RBFOX1: variants seen among roughly 807,000 people sequenced by gnomAD.
RBFOX1 encodes the protein RNA binding protein fox-1 homolog 1.
Under a neutral mutation model 57.7 loss-of-function variants are expected in RBFOX1, and 8 were observed. The observed-to-expected ratio is 0.14, with a 90% CI of 0.08 to 0.25. RBFOX1 has a LOEUF of 0.25. RBFOX1 is among the 10% of genes least tolerant of loss of function. RBFOX1 has a pLI of 1.00. For missense variants in RBFOX1, 611 were observed against 548.5 expected, an observed-to-expected ratio of 1.11 and a Z score of -1.14; for synonymous variants, 326 against 222.4, an observed-to-expected ratio of 1.47 and a Z score of -4.15.
intron 1 of RBFOX1, among the ~76,000 whole-genome samples, chr16:5,262,446 C>T (rs1485719214): frequency 6.6e-6 from 1 of 152,192 alleles, no homozygotes; most frequent in African/African-American, 2.4e-5. Context: ...GCTCTCTTTA[C>T]CTGATTATAT....
intron 3 of RBFOX1, among the ~76,000 whole-genome samples, chr16:5,782,893 A>G (rs10852664): frequency 0.35 from 53,382 of 152,000 alleles, 10,090 homozygotes; most frequent in East Asian, 0.55. Context: ...AAGGAAGAAG[A>G]GGGTGAATTC....
intron 3 of RBFOX1, among the ~76,000 whole-genome samples, chr16:5,654,651 A>C (rs969283074): frequency 3.3e-5 from 5 of 152,006 alleles, no homozygotes; most frequent in Admixed American, 1.3e-4. Flanking sequence ...TTCGCATCTC[A>C]TTCACAACCT....
intron 14 of RBFOX1, among the ~76,000 whole-genome samples, chr16:7,694,456 G>T (rs2078164868): frequency 6.6e-6 from 1 of 152,212 alleles, no homozygotes; most frequent in Admixed American, 6.5e-5. Flanking sequence ...GGCAGGGTCA[G>T]TTTTATTTAT....
At chr16:6,064,542 TTA>T (rs2095733699) in intron 1 of RBFOX1, among the ~76,000 whole-genome samples, 1 of 152,126 alleles carries the variant, frequency 6.6e-6, no homozygotes, top group Admixed American at 6.5e-5. Flanking sequence ...TTTCTTTTTT[TTA>T]TTATTATTAT....
chr16:7,246,180 A>G (rs1265470867), intron 4 of RBFOX1, among the ~76,000 whole-genome samples: 3 of 152,230 alleles, frequency 2.0e-5, no homozygotes, highest in Non-Finnish European at 4.4e-5. Context: ...AGACTAATTT[A>G]GAATTAGGGA....
At chr16:7,298,631 A>G (rs888308176) in intron 4 of RBFOX1, among the ~76,000 whole-genome samples, 1 of 152,228 alleles carries the variant, frequency 6.6e-6, no homozygotes, top group African/African-American at 2.4e-5. Context: ...CAAAACTATG[A>G]TTAGCCCACT....
At chr16:6,223,317 A>G (rs1324907682) in intron 1 of RBFOX1, among the ~76,000 whole-genome samples, 8 of 150,718 alleles carry the variant, frequency 5.3e-5, no homozygotes, top group Non-Finnish European at 8.9e-5. Context: ...AGTCCCAACA[A>G]CAGTGTAAAA....
chr16:5,633,572 C>T (rs376695481), intron 3 of RBFOX1, among the ~76,000 whole-genome samples: 1 of 151,870 alleles, frequency 6.6e-6, no homozygotes, highest in Non-Finnish European at 1.5e-5. Context: ...AGAAATAATC[C>T]CATCAAAAAG....
intron 4 of RBFOX1, among the ~76,000 whole-genome samples, chr16:7,055,837 T>C (rs991235516): frequency 1.3e-5 from 2 of 152,198 alleles, no homozygotes; most frequent in Admixed American, 6.5e-5. Flanking sequence ...CCACTCTGTT[T>C]GTCAGGGTGC....
intron 3 of RBFOX1, among the ~76,000 whole-genome samples, chr16:7,002,527 A>C (rs1047631624): frequency 6.6e-5 from 10 of 152,002 alleles, no homozygotes; most frequent in African/African-American, 2.4e-4. Flanking sequence ...GCCTGGCCAA[A>C]ATGGTGAAAC....
intron 4 of RBFOX1, among the ~76,000 whole-genome samples, chr16:7,124,951 C>G (rs999325030): frequency 1.3e-5 from 2 of 152,064 alleles, no homozygotes; most frequent in African/African-American, 4.8e-5. Context: ...GTGCCATTAG[C>G]TCAATTCACA....
chr16:5,856,181 CTCTCTCTATATATA>C (rs1303010226), intron 3 of RBFOX1, among the ~76,000 whole-genome samples: 1 of 50,042 alleles, frequency 2.0e-5, no homozygotes, highest in Non-Finnish European at 3.6e-5. Context: ...CTCTCTCTCT[CTCTCTCTATATATA>C]TATATATATA....
chr16:5,510,083 G>C (rs76784488), intron 2 of RBFOX1, among the ~76,000 whole-genome samples: 568 of 152,308 alleles, frequency 3.7e-3, no homozygotes, highest in Non-Finnish European at 6.6e-3. Context: ...CCACAGCGTC[G>C]AGCACAGGGC....
chr16:5,467,327 G>C, intron 2 of RBFOX1: 1 of 1,399,724 alleles, frequency 7.1e-7, no homozygotes, highest in African/African-American at 1.4e-5. Context: ...GAAAAATCTT[G>C]CGTCACAGCC....
At chr16:6,154,792 G>A (rs2096827256) in intron 1 of RBFOX1, among the ~76,000 whole-genome samples, 1 of 152,084 alleles carries the variant, frequency 6.6e-6, no homozygotes, top group Admixed American at 6.6e-5. Context: ...TGTGACTACA[G>A]GTCGTACTGT....
chr16:5,753,333 A>G (rs1445059522), intron 3 of RBFOX1, among the ~76,000 whole-genome samples: 1 of 152,144 alleles, frequency 6.6e-6, no homozygotes, highest in Non-Finnish European at 1.5e-5. Flanking sequence ...TAAATTGTCT[A>G]TGAATTTTAC....
intron 3 of RBFOX1, among the ~76,000 whole-genome samples, chr16:5,825,737 C>T (rs2056016165): frequency 1.4e-5 from 2 of 147,672 alleles, no homozygotes; most frequent in Admixed American, 1.3e-4. Context: ...TCCTCCTTCC[C>T]TTATTATTCC....
intron 4 of RBFOX1, among the ~76,000 whole-genome samples, chr16:7,393,531 G>C (rs1329160874): frequency 6.6e-6 from 1 of 152,150 alleles, no homozygotes; most frequent in East Asian, 1.9e-4. Context: ...TGAGATGGGT[G>C]CAAGTGGTGA....
At chr16:7,109,302 C>T (rs1411650699) in intron 4 of RBFOX1, among the ~76,000 whole-genome samples, 1 of 152,136 alleles carries the variant, frequency 6.6e-6, no homozygotes, top group Non-Finnish European at 1.5e-5. Flanking sequence ...CCCCCTTCTC[C>T]CTTGACCATG....
Sources: gnomAD v4.1 joint callset for allele counts (sites outside exome capture counted in the v4.1 genomes callset) on GRCh38, gnomAD v4.1.1 for gene constraint, MANE v1.5 for transcripts, NCBI Gene and HGNC (gene_info 2026-07-23, HGNC 2026-07-21) for gene names.